Variants in PLSCR4 observed in about 807,000 individuals in gnomAD.
PLSCR4 encodes Ca(2+)-dependent phospholipid scramblase 4.
Under a neutral mutation model 36.3 loss-of-function variants are expected in PLSCR4, and 25 were observed. The ratio of observed to expected loss-of-function variants is 0.69; its 90% CI spans 0.50 to 0.96. PLSCR4 has a LOEUF of 0.96. Ranked by LOEUF, PLSCR4 falls within the 40% of genes least tolerant of loss-of-function variation. The probability of loss-of-function intolerance (pLI) is 0.00; values close to 1 mark genes in which losing one functional copy is unlikely to be tolerated. For missense variants in PLSCR4, 408 were observed against 414.7 expected, an observed-to-expected ratio of 0.98 and a Z score of 0.14; for synonymous variants, 122 against 132.9, an observed-to-expected ratio of 0.92 and a Z score of 0.56.
intron 1 of PLSCR4, among the ~76,000 whole-genome samples, chr3:146,243,307 T>A (rs1356108587): frequency 6.6e-6 from 1 of 151,968 alleles, no homozygotes; most frequent in Non-Finnish European, 1.5e-5. Flanking sequence ...CATATATACA[T>A]CTCTTTCTTA....
At chr3:146,198,741 C>T (rs1196137227) in intron 6 of PLSCR4, among the ~76,000 whole-genome samples, 1 of 151,818 alleles carries the variant, frequency 6.6e-6, no homozygotes, top group Non-Finnish European at 1.5e-5. Context: ...TTCTGGCTTC[C>T]TATAATTTCA....
At chr3:146,216,841 T>C (rs1171822980) in intron 3 of PLSCR4, among the ~76,000 whole-genome samples, 2 of 152,138 alleles carry the variant, frequency 1.3e-5, no homozygotes, top group Non-Finnish European at 2.9e-5. Flanking sequence ...TTCACCTCCA[T>C]GGGACATCAT....
chr3:146,219,302 G>C (rs527916968), intron 3 of PLSCR4, among the ~76,000 whole-genome samples: 2 of 152,276 alleles, frequency 1.3e-5, no homozygotes, highest in South Asian at 4.1e-4. Flanking sequence ...CAGAAATGGT[G>C]AAGTTTCTGT....
At chr3:146,250,733 G>C (rs1435892882) in intron 1 of PLSCR4, 1 of 152,116 alleles carries the variant, frequency 6.6e-6, no homozygotes, top group Non-Finnish European at 1.5e-5. Context: ...AACCCTCTGC[G>C]TCTGCAGTGC....
intron 1 of PLSCR4, chr3:146,250,698 C>T (rs889148678): frequency 6.6e-6 from 1 of 152,052 alleles, no homozygotes; most frequent in Non-Finnish European, 1.5e-5. Context: ...ACCCCCATCC[C>T]TGGGCAGGAA....
intron 1 of PLSCR4, among the ~76,000 whole-genome samples, chr3:146,247,398 A>T (rs932238042): frequency 1.3e-4 from 4 of 29,662 alleles, no homozygotes; most frequent in Non-Finnish European, 7.0e-4. Context: ...CTGATATATA[A>T]AAAAAAAAAA....
At position 146,230,532 on chromosome 3, in the gene PLSCR4, C is replaced by T. The variant is rs531367815; in HGVS notation, c.-21-8440G>A. Among the ~76,000 whole-genome samples, 476 of 152,226 alleles carry T rather than the reference C, an allele frequency of 3.1e-3. 1 individual carries two copies. The highest frequency in any genetic ancestry group is 0.01 in the Middle Eastern group (3 of 294). ...TGAAAGGGAGTGTTGGGGTCTTTGC[C>T]ATCCTACTATGGCCCAACAAAGTCA... is the stretch of plus-strand genomic sequence containing the variant. On this transcript the variant is annotated intron_variant, in intron 1 of 8. Coordinates refer to ENST00000354952, the MANE Select transcript of PLSCR4 (RefSeq NM_020353.3).
chr3:146,210,790 A>T (rs2034574754), intron 3 of PLSCR4, among the ~76,000 whole-genome samples: 1 of 151,632 alleles, frequency 6.6e-6, no homozygotes, highest in Admixed American at 6.6e-5. Flanking sequence ...CTATCTGTGG[A>T]TTTGCCTAAT....
At chr3:146,200,928 C>A in intron 5 of PLSCR4, 107 bp downstream of exon 5, 11 of 678,646 alleles carry the variant, frequency 1.6e-5, no homozygotes, top group East Asian at 6.2e-5. Context: ...GTTTTTTTTT[C>A]TTTGAGCCAC....
Position 146,222,110 on chromosome 3 carries a change from T to A in PLSCR4, c.-21-18A>T. ...AATTAATCCTGAAAAATAAAAAATG[T>A]TAATGCCTTTAAAATACATACATAA... is the stretch of plus-strand genomic sequence containing the variant. On this transcript the variant is annotated intron_variant, in intron 1 of 8. Coordinates refer to ENST00000354952, the MANE Select transcript of PLSCR4 (RefSeq NM_020353.3). 1.0e-6 allele frequency: 1 copy of A among 992,774 alleles called. No individual in the cohort carries two copies. The highest frequency in any genetic ancestry group is 2.0e-5 in the South Asian group (1 of 50,682). The allele number at this position is 992,774 out of a possible 1,614,324, so 61.5% of individuals were successfully genotyped here.
intron 3 of PLSCR4, among the ~76,000 whole-genome samples, chr3:146,207,995 G>C (rs2034425913): frequency 6.6e-6 from 1 of 151,998 alleles, no homozygotes; most frequent in East Asian, 1.9e-4. Context: ...TAAGTGAAAA[G>C]AACAAATCTG....
intron 4 of PLSCR4, among the ~76,000 whole-genome samples, chr3:146,202,742 C>T (rs2034115270): frequency 6.6e-6 from 1 of 152,056 alleles, no homozygotes; most frequent in East Asian, 1.9e-4. Context: ...CACCTAAAAA[C>T]TGCCACTGCT....
chr3:146,250,054 G>A (rs2036484875), intron 1 of PLSCR4, among the ~76,000 whole-genome samples: 1 of 152,122 alleles, frequency 6.6e-6, no homozygotes, highest in Non-Finnish European at 1.5e-5. Flanking sequence ...CTCACATCAT[G>A]CATAAAGTGA....
At chr3:146,222,549 G>A (rs2035214908) in intron 1 of PLSCR4, 1 of 152,372 alleles carries the variant, frequency 6.6e-6, no homozygotes, top group South Asian at 2.1e-4. Flanking sequence ...GTTCCAGGAA[G>A]ATAGGAAATT....
chr3:146,241,372 G>C (rs548957087), intron 1 of PLSCR4, among the ~76,000 whole-genome samples: 101 of 152,178 alleles, frequency 6.6e-4, no homozygotes, highest in Non-Finnish European at 1.2e-3. Flanking sequence ...AAGCTGGAGT[G>C]GTTATACTAA....
chr3:146,225,395 AG>A (rs2035408738), intron 1 of PLSCR4, among the ~76,000 whole-genome samples: 2 of 152,222 alleles, frequency 1.3e-5, no homozygotes, highest in Non-Finnish European at 2.9e-5. Flanking sequence ...GCAGGGCTGC[AG>A]GTGGAGCTGC....
chr3:146,204,958 A>G (rs1326130204), intron 4 of PLSCR4, among the ~76,000 whole-genome samples: 1 of 152,016 alleles, frequency 6.6e-6, no homozygotes, highest in Non-Finnish European at 1.5e-5. Context: ...GTAAAATCCA[A>G]ATTTTCCTGA....
intron 3 of PLSCR4, among the ~76,000 whole-genome samples, chr3:146,208,632 T>C (rs1269774871): frequency 2.6e-5 from 4 of 152,000 alleles, no homozygotes; most frequent in African/African-American, 9.7e-5. Flanking sequence ...CAAAAGAAGA[T>C]ACACAAATGG....
chr3:146,248,722 G>T (rs1377908326), intron 1 of PLSCR4, among the ~76,000 whole-genome samples: 1 of 152,054 alleles, frequency 6.6e-6, no homozygotes, highest in African/African-American at 2.4e-5. Context: ...CTTTGACAGA[G>T]ATTTTTATTT....
Sources: gnomAD v4.1 joint callset for allele counts (sites outside exome capture counted in the v4.1 genomes callset) on GRCh38, gnomAD v4.1.1 for gene constraint, MANE v1.5 for transcripts, NCBI Gene and HGNC (gene_info 2026-07-23, HGNC 2026-07-21) for gene names.